Variants in MYO3A observed in about 807,000 individuals in gnomAD.
MYO3A encodes myosin-IIIa.
In MYO3A, 180 loss-of-function variants were observed where a neutral mutation model predicts 192.7. That is an observed-to-expected ratio of 0.93 (90% CI 0.83 to 1.06). The LOEUF (loss-of-function observed/expected upper bound fraction) is 1.06, where lower values mean the gene tolerates loss of function less well. MYO3A is among the 50% of genes least tolerant of loss of function. MYO3A has a pLI of 0.00. For missense variants in MYO3A, 1,896 were observed against 1,905.0 expected, an observed-to-expected ratio of 1.00 and a Z score of 0.09; for synonymous variants, 628 against 645.3, an observed-to-expected ratio of 0.97 and a Z score of 0.41.
intron 22 of MYO3A, 140 bp downstream of exon 22, chr10:26,145,674 A>T: frequency 1.3e-6 from 1 of 760,982 alleles, no homozygotes; most frequent in Non-Finnish European, 2.3e-6. Context: ...ACTGGCCCTA[A>T]TTATGCCCTC....
At chr10:26,058,148 TG>T (rs564402280) in intron 10 of MYO3A, among the ~76,000 whole-genome samples, 132 of 152,384 alleles carry the variant, frequency 8.7e-4, no homozygotes, top group African/African-American at 3.0e-3. Context: ...TTCATCTCTC[TG>T]TGTCCTCTAA....
At chr10:26,005,247 A>G (rs954557992) in intron 6 of MYO3A, among the ~76,000 whole-genome samples, 2 of 152,150 alleles carry the variant, frequency 1.3e-5, no homozygotes, top group African/African-American at 4.8e-5. Flanking sequence ...CAAAAATAAA[A>G]TCGTGAGGGA....
At position 26,070,191 on chromosome 10, in the gene MYO3A, T is replaced by G. The variant is rs779515980; in HGVS notation, c.1251T>G (p.Ser417=). Residue 417 remains serine (S), a synonymous_variant, in exon 13 of 35, where the codon TCT becomes TCG. Coordinates refer to ENST00000642920, the MANE Select transcript of MYO3A (RefSeq NM_017433.5). ...CAATGGCTGACTTAGGATATCAATC[T>G]ATGATAACATATAATTCAGATCAGG... ...IFAMADLGYQ[S]MITYNSDQCI... 6.2e-7 allele frequency: 1 copy of G among 1,610,446 alleles called. No individual in the cohort carries two copies. Among genetic ancestry groups the G allele is most frequent in the East Asian group, 2.2e-5 (1 of 44,768 alleles).
At chr10:26,115,042 T>C (rs1838418084) in intron 17 of MYO3A, among the ~76,000 whole-genome samples, 1 of 152,092 alleles carries the variant, frequency 6.6e-6, no homozygotes, top group Non-Finnish European at 1.5e-5. Context: ...CAAAGAAAAC[T>C]AGCTGGAAAT....
At chr10:26,000,066 C>CA (rs1840693211) in intron 6 of MYO3A, among the ~76,000 whole-genome samples, 1 of 152,114 alleles carries the variant, frequency 6.6e-6, no homozygotes, top group Non-Finnish European at 1.5e-5. Context: ...GGGATCCTTT[C>CA]AAAAAACACA....
Position 25,997,145 on chromosome 10 carries a change from TTCTTA to T in MYO3A, c.409-9_409-5del, listed in dbSNP as rs770277459. The T allele has an allele frequency of 1.9e-6, 3 of 1,597,402 alleles. No individual in the cohort carries two copies. The East Asian group carries it at 6.7e-5, about 36-fold the overall frequency. The stretch of plus-strand genomic sequence containing the variant: ...GCTTTTGTTAAGAGTCATTATATAT[TTCTTA>T]TCTTCTAGGGACTTCAACATTTGCA... On this transcript the variant is annotated splice_polypyrimidine_tract_variant and intron_variant, in intron 5 of 34. Transcript: ENST00000642920.
chr10:25,953,680 G>T (rs1286030421), intron 3 of MYO3A, among the ~76,000 whole-genome samples: 1 of 152,058 alleles, frequency 6.6e-6, no homozygotes, highest in Non-Finnish European at 1.5e-5. Flanking sequence ...TATAATCCAT[G>T]TAACGACTAT....
chr10:26,151,936 C>T (rs1233776707), intron 23 of MYO3A, among the ~76,000 whole-genome samples: 4 of 152,138 alleles, frequency 2.6e-5, no homozygotes, highest in Admixed American at 6.5e-5. Context: ...GTTTGAGGTG[C>T]GAAGGTTAAT....
At chr10:26,171,540 T>C (rs1308743425) in intron 29 of MYO3A, among the ~76,000 whole-genome samples, 2 of 152,192 alleles carry the variant, frequency 1.3e-5, no homozygotes, top group Non-Finnish European at 2.9e-5. Context: ...CATTTCCTTA[T>C]TTGAAAAACA....
intron 4 of MYO3A, among the ~76,000 whole-genome samples, chr10:25,972,215 G>A (rs929016185): frequency 1.3e-5 from 2 of 151,686 alleles, no homozygotes; most frequent in Non-Finnish European, 2.9e-5. Context: ...TTGAGTCCCT[G>A]TAGTGAAATT....
chr10:25,971,606 T>G (rs1302704781), intron 4 of MYO3A, among the ~76,000 whole-genome samples: 1 of 152,204 alleles, frequency 6.6e-6, no homozygotes, highest in Non-Finnish European at 1.5e-5. Context: ...TGAGAGAGTT[T>G]TGCTGAGTAT....
At chr10:26,210,406 G>T in intron 34 of MYO3A, among the ~76,000 whole-genome samples, 1 of 152,120 alleles carries the variant, frequency 6.6e-6, no homozygotes, top group Non-Finnish European at 1.5e-5. Context: ...CGACATTCTT[G>T]GTTCTTCTCT....
At chr10:26,088,861 A>C (rs1836504728) in intron 15 of MYO3A, among the ~76,000 whole-genome samples, 1 of 152,200 alleles carries the variant, frequency 6.6e-6, no homozygotes, top group South Asian at 2.1e-4. Flanking sequence ...TATCATATTG[A>C]CCTTTTATTG....
intron 17 of MYO3A, among the ~76,000 whole-genome samples, chr10:26,102,751 T>G (rs1837543750): frequency 6.6e-6 from 1 of 152,208 alleles, no homozygotes; most frequent in Non-Finnish European, 1.5e-5. Flanking sequence ...TGCCTGATCC[T>G]TCCTCTGGAA....
intron 15 of MYO3A, among the ~76,000 whole-genome samples, chr10:26,093,299 G>T (rs2131541439): frequency 6.6e-6 from 1 of 152,326 alleles, no homozygotes; most frequent in Non-Finnish European, 1.5e-5. Flanking sequence ...CACAGTCAGT[G>T]TGCTTCATTA....
intron 6 of MYO3A, among the ~76,000 whole-genome samples, chr10:25,997,769 C>G (rs1840545768): frequency 6.6e-6 from 1 of 152,142 alleles, no homozygotes; most frequent in African/African-American, 2.4e-5. Context: ...GATGCTCTGT[C>G]CTGAGCAGAA....
chr10:26,204,801 G>C lies in MYO3A; in HGVS notation c.4730+1694G>C, dbSNP rs117193657. ...TAAGATGTGATCCTTACCTCCAAGAGCTTGATGCTGAAGGAAAAGTATACC... is the reference window on the plus strand; with the variant it reads ...TAAGATGTGATCCTTACCTCCAAGACCTTGATGCTGAAGGAAAAGTATACC... On this transcript the variant is annotated intron_variant, in intron 34 of 34. Transcript: ENST00000642920. Among the ~76,000 whole-genome samples the C allele has an allele frequency of 9.6e-4, 146 of 152,332 alleles. 1 individual carries two copies. The highest frequency in any genetic ancestry group is 1.6e-3 in the Non-Finnish European group (111 of 68,028).
At chr10:26,048,698 C>A (rs2131271617) in intron 10 of MYO3A, among the ~76,000 whole-genome samples, 1 of 152,202 alleles carries the variant, frequency 6.6e-6, no homozygotes, top group South Asian at 2.1e-4. Context: ...GGTGGTCGTG[C>A]ATTCTATTGT....
At chr10:26,185,151 C>T (rs190730048) in intron 31 of MYO3A, among the ~76,000 whole-genome samples, 20 of 152,188 alleles carry the variant, frequency 1.3e-4, no homozygotes, top group African/African-American at 4.6e-4. Context: ...GACTAGTCAG[C>T]CCTCTGGCTT....
Sources: allele counts gnomAD v4.1 joint callset (sites outside exome capture counted in the v4.1 genomes callset), GRCh38; gene constraint gnomAD v4.1.1; transcripts MANE v1.5; gene names NCBI Gene and HGNC (gene_info 2026-07-23, HGNC 2026-07-21).